CCSER1: variants seen among roughly 807,000 people sequenced by gnomAD.
CCSER1 encodes the protein coiled-coil serine rich protein 1, also known as serine-rich coiled-coil domain-containing protein 1.
CCSER1 carries 41 observed loss-of-function variants against 82.0 expected under a neutral mutation model. The observed-to-expected ratio is 0.50, with a 90% CI of 0.39 to 0.65. The LOEUF is 0.65. CCSER1 is among the 30% of genes least tolerant of loss of function. The pLI is 0.00. For synonymous variants in CCSER1, 414 were observed against 383.9 expected, an observed-to-expected ratio of 1.08 and a Z score of -0.92; for missense variants, 1,119 against 1,064.2, an observed-to-expected ratio of 1.05 and a Z score of -0.72.
At position 90,933,006 on chromosome 4, in the gene CCSER1, A is replaced by G. The variant is rs1247017035; in HGVS notation, c.2172+9559A>G. On this transcript the variant is annotated intron_variant, in intron 9 of 10. Coordinates refer to ENST00000509176, the MANE Select transcript of CCSER1 (RefSeq NM_001145065.2). ...AGAGAAAGAAAGAAAGAAAGAAAGA[A>G]AGAAAGAAAGAAAGAAAGAAAGAAA... Among the ~76,000 whole-genome samples the G allele has an allele frequency of 7.5e-5, 6 of 80,164 alleles. 1 individual carries two copies. The highest frequency in any genetic ancestry group is 4.9e-4 in the African/African-American group (5 of 10,244). The allele number at this position is 80,164 out of a possible 152,430, so 52.6% of individuals were successfully genotyped here.
Position 90,655,801 on chromosome 4 carries a change from G to A in CCSER1, c.1932+27569G>A, listed in dbSNP as rs117399782. ...GGAGAATAGAAAGGATTAAATACTC[G>A]GGTCCAAATAGAGATATTGTTAATC... is the stretch of plus-strand genomic sequence containing the variant. On this transcript the variant is annotated intron_variant, in intron 6 of 10. Transcript: ENST00000509176. Among the ~76,000 whole-genome samples the A allele has an allele frequency of 9.2e-5, 14 of 151,876 alleles. No homozygotes were observed. In the East Asian group the frequency reaches 2.7e-3, roughly 29 times the overall value.
chr4:91,549,138 T>C (rs1268436162), intron 10 of CCSER1, among the ~76,000 whole-genome samples: 2 of 152,134 alleles, frequency 1.3e-5, no homozygotes, highest in African/African-American at 2.4e-5. Flanking sequence ...CTTAGCCATG[T>C]ATAGTCTACT....
intron 5 of CCSER1, among the ~76,000 whole-genome samples, chr4:90,553,772 G>A (rs1437654462): frequency 6.6e-6 from 1 of 152,160 alleles, no homozygotes; most frequent in African/African-American, 2.4e-5. Context: ...ATTGTACAGT[G>A]CAGAGTTGGA....
chr4:90,670,820 C>T (rs1732658729), intron 6 of CCSER1, among the ~76,000 whole-genome samples: 1 of 151,926 alleles, frequency 6.6e-6, no homozygotes, highest in African/African-American at 2.4e-5. Context: ...ACATGCCCTC[C>T]TCCTTTATCC....
At chr4:90,673,012 T>C (rs1733098529) in intron 6 of CCSER1, among the ~76,000 whole-genome samples, 1 of 151,760 alleles carries the variant, frequency 6.6e-6, no homozygotes, top group Non-Finnish European at 1.5e-5. Flanking sequence ...ACAGATATAA[T>C]AATAATTTTA....
chr4:91,584,948 AT>A (rs1050992282), intron 10 of CCSER1, among the ~76,000 whole-genome samples: 58 of 151,468 alleles, frequency 3.8e-4, no homozygotes, highest in African/African-American at 1.4e-3. Flanking sequence ...TTTATTATGT[AT>A]TTTTACCTTG....
At chr4:90,764,067 T>C (rs1750814055) in intron 7 of CCSER1, among the ~76,000 whole-genome samples, 1 of 152,176 alleles carries the variant, frequency 6.6e-6, no homozygotes, top group Admixed American at 6.6e-5. Context: ...AACAGTTCAC[T>C]AAGTTATATT....
intron 10 of CCSER1, among the ~76,000 whole-genome samples, chr4:91,324,747 G>A (rs1227904866): frequency 6.6e-6 from 1 of 152,072 alleles, no homozygotes; most frequent in Admixed American, 6.6e-5. Flanking sequence ...AGTTAATTGA[G>A]GGCCTTACTG....
intron 9 of CCSER1, chr4:91,015,336 T>G (rs1015586996): frequency 2.0e-5 from 3 of 152,088 alleles, no homozygotes; most frequent in African/African-American, 7.2e-5. Context: ...TATTCATTTT[T>G]TAATCAATTT....
chr4:90,606,931 A>G (rs766576548), intron 5 of CCSER1, among the ~76,000 whole-genome samples: 1 of 152,218 alleles, frequency 6.6e-6, no homozygotes, highest in African/African-American at 2.4e-5. Flanking sequence ...TTTTAAAAAC[A>G]TAACATTACA....
intron 10 of CCSER1, among the ~76,000 whole-genome samples, chr4:91,286,890 T>C (rs568713841): frequency 6.6e-6 from 1 of 152,020 alleles, no homozygotes; most frequent in East Asian, 1.9e-4. Flanking sequence ...ATGGCTTCTT[T>C]ATTTCTCAGT....
At chr4:91,024,775 A>C (rs1000507893) in intron 9 of CCSER1, among the ~76,000 whole-genome samples, 1 of 152,072 alleles carries the variant, frequency 6.6e-6, no homozygotes, top group African/African-American at 2.4e-5. Context: ...ACTTGTAGAC[A>C]TTTTAATATA....
chr4:90,804,241 CT>C (rs896617586), intron 7 of CCSER1, among the ~76,000 whole-genome samples: 4 of 151,942 alleles, frequency 2.6e-5, no homozygotes, highest in African/African-American at 9.7e-5. Flanking sequence ...TCAGTTTTGG[CT>C]TTTTTTGCTG....
rs1425246788 is a variant in CCSER1, at chr4:91,148,946, C to T, written c.2217+62952C>T. Among the ~76,000 whole-genome samples, 6 of 152,094 alleles carry T rather than the reference C, an allele frequency of 3.9e-5. No individual in the cohort carries two copies. In the South Asian group the frequency reaches 1.0e-3, roughly 26 times the overall value. On this transcript the variant is annotated intron_variant, in intron 10 of 10. Coordinates refer to ENST00000509176, the MANE Select transcript of CCSER1 (RefSeq NM_001145065.2). ...TGTGAATAGTGCCACAATAAACATA[C>T]GTGTGCATGTGTCTTTATAGCAGCA... is the stretch of plus-strand genomic sequence containing the variant.
At chr4:90,861,604 A>C (rs907694608) in intron 8 of CCSER1, among the ~76,000 whole-genome samples, 2 of 151,738 alleles carry the variant, frequency 1.3e-5, no homozygotes, top group Non-Finnish European at 3.0e-5. Flanking sequence ...TTGCTTGATG[A>C]AGTAAAAAAG....
chr4:90,735,559 G>T (rs1238347741), intron 7 of CCSER1, among the ~76,000 whole-genome samples: 2 of 152,078 alleles, frequency 1.3e-5, no homozygotes. Flanking sequence ...TAGATTTTAT[G>T]TGTCTCAAAA....
At chr4:90,224,187 T>G (rs541071191) in intron 1 of CCSER1, among the ~76,000 whole-genome samples, 2 of 152,318 alleles carry the variant, frequency 1.3e-5, no homozygotes, top group African/African-American at 4.8e-5. Flanking sequence ...GAGTTCATTG[T>G]TAGAGCCCCA....
At chr4:91,149,561 T>C (rs566054042) in intron 10 of CCSER1, among the ~76,000 whole-genome samples, 1 of 152,348 alleles carries the variant, frequency 6.6e-6, no homozygotes, top group African/African-American at 2.4e-5. Context: ...CCCATGCCTA[T>C]GTCCTGAATG....
At chr4:91,260,608 C>T (rs1024517847) in intron 10 of CCSER1, among the ~76,000 whole-genome samples, 2 of 152,078 alleles carry the variant, frequency 1.3e-5, no homozygotes, top group Admixed American at 6.6e-5. Flanking sequence ...TTTCCAAAAC[C>T]GCTGTTGTTC....
Sources: gnomAD v4.1 joint callset for allele counts (sites outside exome capture counted in the v4.1 genomes callset) on GRCh38, gnomAD v4.1.1 for gene constraint, MANE v1.5 for transcripts, NCBI Gene and HGNC (gene_info 2026-07-23, HGNC 2026-07-21) for gene names.